Variants in CSNK1G3 observed in about 807,000 individuals in gnomAD.
CSNK1G3 encodes the protein casein kinase 1 gamma 3, also known as casein kinase I isoform gamma-3.
A neutral mutation model predicts 64.3 loss-of-function variants in CSNK1G3; 23 were observed. That is an observed-to-expected ratio of 0.36 (90% CI 0.26 to 0.51). The LOEUF is 0.51. Ranked by LOEUF, CSNK1G3 falls within the 20% of genes least tolerant of loss-of-function variation. The pLI is 0.96. For missense variants in CSNK1G3, 357 were observed against 510.5 expected, an observed-to-expected ratio of 0.70 and a Z score of 2.90; for synonymous variants, 158 against 162.2, an observed-to-expected ratio of 0.97 and a Z score of 0.20.
intron 1 of CSNK1G3, among the ~76,000 whole-genome samples, chr5:123,520,442 CTG>C (rs1561444305): frequency 6.7e-6 from 1 of 148,990 alleles, no homozygotes; most frequent in Non-Finnish European, 1.5e-5. Flanking sequence ...TCAGCTGTCA[CTG>C]TGCATTATTT....
intron 3 of CSNK1G3, among the ~76,000 whole-genome samples, chr5:123,556,886 T>A (rs1171385688): frequency 6.6e-6 from 1 of 151,812 alleles, no homozygotes. Context: ...TTAGGTGAAA[T>A]CCAGCAACAG....
chr5:123,584,517 A>AG (rs201305040), intron 6 of CSNK1G3, among the ~76,000 whole-genome samples: 1,548 of 152,222 alleles, frequency 0.01, 33 homozygotes, highest in African/African-American at 0.035. Flanking sequence ...CTTAGTCATG[A>AG]GGTATTATCT....
chr5:123,531,874 G>A (rs541928610), intron 1 of CSNK1G3, among the ~76,000 whole-genome samples: 1 of 151,958 alleles, frequency 6.6e-6, no homozygotes, highest in Non-Finnish European at 1.5e-5. Flanking sequence ...ACAAAAAATT[G>A]TAAGCAGGGG....
intron 1 of CSNK1G3, among the ~76,000 whole-genome samples, chr5:123,520,285 C>T (rs558127187): frequency 6.6e-6 from 1 of 152,110 alleles, no homozygotes; most frequent in Non-Finnish European, 1.5e-5. Flanking sequence ...TACATAGATA[C>T]ATATATGTAT....
At chr5:123,564,831 T>TA (rs1301807889) in intron 4 of CSNK1G3, among the ~76,000 whole-genome samples, 12 of 152,158 alleles carry the variant, frequency 7.9e-5, no homozygotes, top group Non-Finnish European at 1.8e-4. Flanking sequence ...GAAGGACTGT[T>TA]ACCAAGTCCA....
intron 1 of CSNK1G3, among the ~76,000 whole-genome samples, chr5:123,518,910 CCA>C (rs1421423554): frequency 6.6e-6 from 1 of 152,204 alleles, no homozygotes; most frequent in Non-Finnish European, 1.5e-5. Context: ...CAGGTGCATG[CCA>C]CTGCACCCAG....
At chr5:123,524,854 C>T (rs1328609501) in intron 1 of CSNK1G3, among the ~76,000 whole-genome samples, 2 of 152,064 alleles carry the variant, frequency 1.3e-5, no homozygotes, top group Non-Finnish European at 2.9e-5. Flanking sequence ...TCTTTCCATC[C>T]TTAAACACTG....
chr5:123,547,409 CACAT>C (rs749539930), intron 2 of CSNK1G3, among the ~76,000 whole-genome samples: 1 of 151,982 alleles, frequency 6.6e-6, no homozygotes, highest in Non-Finnish European at 1.5e-5. Context: ...TGAATACACA[CACAT>C]ATATACACAC....
At chr5:123,597,991 G>A (rs1793749434) in intron 10 of CSNK1G3, among the ~76,000 whole-genome samples, 1 of 152,046 alleles carries the variant, frequency 6.6e-6, no homozygotes, top group South Asian at 2.1e-4. Flanking sequence ...AGTATTAGAG[G>A]TACAGTCAAA....
intron 2 of CSNK1G3, among the ~76,000 whole-genome samples, chr5:123,551,374 ATT>A (rs150857193): frequency 0.02 from 3,000 of 152,286 alleles, 103 homozygotes; most frequent in African/African-American, 0.069. Flanking sequence ...ATATTCCGTA[ATT>A]TTTAAAAATA....
intron 1 of CSNK1G3, among the ~76,000 whole-genome samples, chr5:123,536,526 GC>G (rs1335809040): frequency 6.6e-6 from 1 of 150,548 alleles, no homozygotes; most frequent in Non-Finnish European, 1.5e-5. Flanking sequence ...TAACAGTAAT[GC>G]ATAGTTTCAA....
chr5:123,558,546 AGAGC>A (rs1467280970), intron 4 of CSNK1G3, among the ~76,000 whole-genome samples: 1 of 152,200 alleles, frequency 6.6e-6, no homozygotes, highest in African/African-American at 2.4e-5. Context: ...TCTAGTGGGT[AGAGC>A]TGTCCATTTC....
chr5:123,558,430 A>G (rs1785033770), intron 4 of CSNK1G3, among the ~76,000 whole-genome samples: 2 of 152,134 alleles, frequency 1.3e-5, no homozygotes, highest in South Asian at 4.1e-4. Flanking sequence ...AATTGTAAGA[A>G]TTTTACTTGT....
chr5:123,563,080 C>T (rs1472657042), intron 4 of CSNK1G3, among the ~76,000 whole-genome samples: 1 of 151,912 alleles, frequency 6.6e-6, no homozygotes, highest in Admixed American at 6.6e-5. Context: ...TAATGCATTC[C>T]TTGGAACATC....
chr5:123,591,041 G>A lies in CSNK1G3; in HGVS notation c.991-278G>A, dbSNP rs993366857. On this transcript the variant is annotated intron_variant, in intron 9 of 12. Coordinates refer to ENST00000345990, the Ensembl canonical transcript of CSNK1G3. ...TTTATCATGTTGATATGAAAATGTAGCCTAAAAGTAATGGCAGCATTAAGT... is the reference window on the plus strand; with the variant it reads ...TTTATCATGTTGATATGAAAATGTAACCTAAAAGTAATGGCAGCATTAAGT... 2.0e-5 allele frequency among the ~76,000 whole-genome samples: 3 copies of A among 151,926 alleles called. No homozygotes were observed. In the East Asian group the frequency reaches 5.8e-4, roughly 29 times the overall value.
chr5:123,585,438 A>G (rs982068139), intron 6 of CSNK1G3, among the ~76,000 whole-genome samples: 3 of 152,162 alleles, frequency 2.0e-5, no homozygotes, highest in Admixed American at 1.3e-4. Flanking sequence ...ATCAAAAAGT[A>G]TAGAAAATAA....
At chr5:123,593,789 G>GAAAAACC (rs1792892763) in intron 10 of CSNK1G3, among the ~76,000 whole-genome samples, 1 of 152,030 alleles carries the variant, frequency 6.6e-6, no homozygotes, top group African/African-American at 2.4e-5. Flanking sequence ...GTACAATTTA[G>GAAAAACC]GAAGCTTAGT....
intron 1 of CSNK1G3, among the ~76,000 whole-genome samples, chr5:123,533,226 C>G (rs1182333884): frequency 2.0e-5 from 3 of 151,856 alleles, no homozygotes; most frequent in African/African-American, 7.2e-5. Flanking sequence ...CTTCCTTTTA[C>G]CTTACCTATT....
intron 6 of CSNK1G3, among the ~76,000 whole-genome samples, chr5:123,579,707 C>T (rs183324748): frequency 2.1e-4 from 32 of 152,078 alleles, no homozygotes; most frequent in Admixed American, 2.1e-3. Context: ...GAAAAGTCAT[C>T]AGTACCTAGG....
Sources: gnomAD v4.1 joint callset for allele counts (sites outside exome capture counted in the v4.1 genomes callset) on GRCh38, gnomAD v4.1.1 for gene constraint, MANE v1.5 for transcripts, NCBI Gene and HGNC (gene_info 2026-07-23, HGNC 2026-07-21) for gene names.